Variants in LRP1 observed in about 807,000 individuals in gnomAD.
The protein encoded by LRP1 is prolow-density lipoprotein receptor-related protein 1.
LRP1 carries 51 observed loss-of-function variants against 541.5 expected under a neutral mutation model. The ratio of observed to expected loss-of-function variants is 0.09; its 90% confidence interval spans 0.08 to 0.12. The LOEUF is 0.12. Ranked by LOEUF, LRP1 falls within the 10% of genes least tolerant of loss-of-function variation. The pLI, the probability that LRP1 is intolerant of heterozygous loss-of-function variation, is 1.00. For synonymous variants in LRP1, 2,219 were observed against 2,470.8 expected, an observed-to-expected ratio of 0.90 and a Z score of 3.02; for missense variants, 3,878 against 6,376.2, an observed-to-expected ratio of 0.61 and a Z score of 13.34.
intron 68 of LRP1, chr12:57,202,933 T>C: frequency 1.7e-6 from 1 of 576,530 alleles, no homozygotes; most frequent in Non-Finnish European, 3.1e-6. Flanking sequence ...CAGTCTGTTC[T>C]GAGGGCAAGG....
intron 6 of LRP1, among the ~76,000 whole-genome samples, chr12:57,152,542 C>T (rs1341769573): frequency 6.6e-6 from 1 of 152,120 alleles, no homozygotes; most frequent in Non-Finnish European, 1.5e-5. Context: ...GTGGTTACAG[C>T]GTGTGGGGCA....
Position 57,156,346 on chromosome 12 carries a change from G to A in LRP1, c.1417+63G>A. On this transcript the variant is annotated intron_variant, in intron 9 of 88. Transcript: ENST00000243077. The surrounding 1 kb of genome is among the most constrained non-coding windows in gnomAD (Gnocchi z 5.2). ...ACCCCATGATGGCTCTGGGACCTTG[G>A]GATCACAGCCCCTCTCTGGGCCCTC... The A allele has an allele frequency of 6.5e-7, 1 of 1,530,484 alleles. No homozygotes were observed. The highest frequency in any genetic ancestry group is 8.9e-7 in the Non-Finnish European group (1 of 1,124,242). The allele number at this position is 1,530,484 out of a possible 1,614,324, so 94.8% of individuals were successfully genotyped here. A position where few individuals can be genotyped will look rare whatever the true frequency, so the allele number is the denominator to read the frequency against.
At chr12:57,195,587 G>C in intron 52 of LRP1, 71 bp from the exon 53 acceptor site, 1 of 1,609,630 alleles carries the variant, frequency 6.2e-7, no homozygotes, top group South Asian at 1.1e-5. Flanking sequence ...AGAACCACAG[G>C]AGGTTAGAGT....
Position 57,162,494 on chromosome 12 carries a change from A to C in LRP1, c.2380A>C (p.Met794Leu), listed in dbSNP as rs1292662094. Residue 794 changes from methionine to leucine, a missense_variant, in exon 14 of 89, where the codon ATG becomes CTG. Physicochemically the swap from Met to Leu is conservative, Grantham distance 15. This residue lies in a region of LRP1 where 496 missense variants were observed against 861.0 expected (regional missense o/e 0.58). Transcript: ENST00000243077. The surrounding 1 kb of genome is among the most constrained non-coding windows in gnomAD (Gnocchi z 5.2). The part of the protein sequence containing the change: ...SERPPIFEIR[M>L]YDAQQQQVGT... ...GCGGCCCCCCATCTTTGAGATCCGAATGTATGATGCCCAGCAGCAGCAAGG... is the reference window on the plus strand; with the variant it reads ...GCGGCCCCCCATCTTTGAGATCCGACTGTATGATGCCCAGCAGCAGCAAGG... 1.9e-6 allele frequency: 3 copies of C among 1,613,790 alleles called. No homozygotes were observed. Among genetic ancestry groups the C allele is most frequent in the Non-Finnish European group, 2.5e-6 (3 of 1,180,006 alleles).
chr12:57,182,839 C>G lies in LRP1; in HGVS notation c.5663-540C>G, dbSNP rs372425949. Among the ~76,000 whole-genome samples, 30 of 151,996 alleles carry G rather than the reference C, an allele frequency of 2.0e-4. No homozygotes were observed. In the South Asian group the frequency reaches 2.5e-3, roughly 13 times the overall value. On this transcript the variant is annotated intron_variant, in intron 34 of 88. Transcript: ENST00000243077. The stretch of plus-strand genomic sequence containing the variant: ...CTCAAAAAAAACAAACAAAGAAAAA[C>G]AAAAGAAAAGAAAAGAAAAAGAAAT...
At chr12:57,186,044 C>T (rs2036263904) in intron 41 of LRP1, 136 bp downstream of exon 41, 2 of 1,006,388 alleles carry the variant, frequency 2.0e-6, no homozygotes, top group Non-Finnish European at 1.4e-6. Context: ...CAACTGCACC[C>T]CCGCAGTTAC....
Position 57,206,357 on chromosome 12 carries a change from G to C in LRP1, c.11591-116G>C, listed in dbSNP as rs2036778671. Reference sequence around the variant, plus strand: ...GCAGGGAGGGTAAGCAGCAGCTTCTGGCCGGAGCAGATGGTCCTACCAGGA... The same window carrying C: ...GCAGGGAGGGTAAGCAGCAGCTTCTCGCCGGAGCAGATGGTCCTACCAGGA... On this transcript the variant is annotated intron_variant, in intron 75 of 88. Transcript: ENST00000243077. The surrounding 1 kb of genome is among the most constrained non-coding windows in gnomAD (Gnocchi z 4.7). The C allele has an allele frequency of 9.1e-7, 1 of 1,104,094 alleles. No individual in the cohort carries two copies. Among genetic ancestry groups the C allele is most frequent in the Non-Finnish European group, 1.3e-6 (1 of 759,586 alleles). 68.4% of individuals were successfully genotyped at this position (1,104,094 alleles called of 1,614,324 possible).
chr12:57,195,561 T>C (rs1483199046), intron 52 of LRP1, 97 bp from the exon 53 acceptor site: 2 of 1,595,364 alleles, frequency 1.3e-6, no homozygotes, highest in Non-Finnish European at 1.7e-6. Flanking sequence ...TCCAGTGCCC[T>C]GCCCACTCTA....
intron 82 of LRP1, 37 bp downstream of exon 82, chr12:57,210,517 C>G: frequency 6.6e-7 from 1 of 1,514,380 alleles, no homozygotes; most frequent in Non-Finnish European, 8.9e-7. Context: ...GCTCCTTGCC[C>G]CTGGGCCCCA....
At position 57,178,010 on chromosome 12, in the gene LRP1, G is replaced by T. The variant is rs2036085001; in HGVS notation, c.4362-349G>T. Among the ~76,000 whole-genome samples the T allele has an allele frequency of 6.7e-6, 1 of 149,236 alleles. No homozygotes were observed. Among genetic ancestry groups the T allele is most frequent in the Non-Finnish European group, 1.5e-5 (1 of 67,566 alleles). On this transcript the variant is annotated intron_variant, in intron 26 of 88. Transcript: ENST00000243077. The surrounding 1 kb of genome is among the most constrained non-coding windows in gnomAD (Gnocchi z 5.8). ...GTCGCCCAGGCTGGAGTGCAGTGGC[G>T]CGATCTCGGCTCACTGCAGGCTCCG... is the stretch of plus-strand genomic sequence containing the variant.
chr12:57,167,016 G>A lies in LRP1; in HGVS notation c.2884G>A (p.Gly962Arg). 6.2e-7 allele frequency: 1 copy of A among 1,614,104 alleles called. No individual in the cohort carries two copies. Among genetic ancestry groups the A allele is most frequent in the African/African-American group, 1.3e-5 (1 of 75,022 alleles). The change falls in exon 18 of 89, where the codon GGG (glycine) becomes AGG (arginine). Residue 962 changes from glycine (G) to arginine (R), a missense_variant. Around this residue, in one of 13 missense-constraint regions of LRP1, gnomAD observed 320 missense variants for 547.9 expected, o/e 0.58. Coordinates refer to ENST00000243077, the MANE Select transcript of LRP1 (RefSeq NM_002332.3). ...GACGTGTGATCTGGATGACGACTGT[G>A]GGGACCGCTCTGATGAGTCTGCTTC... ...SWTCDLDDDC[G>R]DRSDESASCA...
Position 57,191,232 on chromosome 12 carries a change from T to TG in LRP1, c.7237-87dup, listed in dbSNP as rs2136719502. ...CCTCTGCGGGCCCTCATTCTGTAGC[T>TG]GTCAGAGGCCAGGCCAGGCTGTGGT... On this transcript the variant is annotated intron_variant, in intron 43 of 88. Transcript: ENST00000243077. The TG allele has an allele frequency of 4.5e-6, 6 of 1,333,064 alleles. No individual in the cohort carries two copies. The South Asian group carries it at 8.5e-5, about 19-fold the overall frequency. 82.6% of individuals were successfully genotyped at this position (1,333,064 alleles called of 1,614,324 possible).
At chr12:57,172,562 T>G (rs998028327) in intron 20 of LRP1, among the ~76,000 whole-genome samples, 2 of 152,134 alleles carry the variant, frequency 1.3e-5, no homozygotes, top group African/African-American at 4.8e-5. Flanking sequence ...CCTCCAGGGA[T>G]CCTCTGGGCT....
In LRP1 at chr12:57,154,599, C is replaced by A; in HGVS notation, c.1125C>A (p.Asp375Glu). ...TGTTTCCTCATGGCATCACGCTGGACCTGGTCAGCCGCCTTGTCTACTGGG... is the reference window on the plus strand; with the variant it reads ...TGTTTCCTCATGGCATCACGCTGGAACTGGTCAGCCGCCTTGTCTACTGGG... ...KIVFPHGITL[D>E]LVSRLVYWAD... The change falls in exon 8 of 89, where the codon GAC becomes GAA. Residue 375 changes from aspartate (D) to glutamate (E), a missense_variant. Asp to Glu is a conservative substitution (Grantham distance 45, BLOSUM62 2). Transcript: ENST00000243077. This position sits in a 1 kb window ranked among gnomAD's most constrained non-coding sequence, Gnocchi z 4.6. 6.2e-7 allele frequency: 1 copy of A among 1,612,406 alleles called. No individual in the cohort carries two copies. Among genetic ancestry groups the A allele is most frequent in the Non-Finnish European group, 8.5e-7 (1 of 1,179,202 alleles).
chr12:57,154,225 A>G lies in LRP1; in HGVS notation c.859A>G (p.Ile287Val). 1.2e-6 allele frequency: 2 copies of G among 1,614,094 alleles called. No homozygotes were observed. The highest frequency in any genetic ancestry group is 1.1e-5 in the South Asian group (1 of 91,070). The part of the protein sequence containing the change: ...LSLHHVEQMA[I>V]DWLTGNFYFV... ...CTCTCCAGACGTGGAACAGATGGCC[A>G]TCGACTGGCTGACAGGCAACTTCTA... Residue 287 changes from isoleucine (I) to valine (V), a missense_variant, in exon 7 of 89, where the codon ATC becomes GTC. Coordinates refer to ENST00000243077, the MANE Select transcript of LRP1 (RefSeq NM_002332.3). This position sits in a 1 kb window ranked among gnomAD's most constrained non-coding sequence, Gnocchi z 4.6.
intron 1 of LRP1, among the ~76,000 whole-genome samples, chr12:57,132,577 TC>T: frequency 6.6e-6 from 1 of 152,304 alleles, no homozygotes; most frequent in East Asian, 1.9e-4. Flanking sequence ...CCCTTGGCAA[TC>T]TCTGGACTGA....
Position 57,162,742 on chromosome 12 carries a change from C to T in LRP1, c.2405-116C>T. The T allele has an allele frequency of 8.2e-7, 1 of 1,220,300 alleles. No homozygotes were observed. Among genetic ancestry groups the T allele is most frequent in the Non-Finnish European group, 1.1e-6 (1 of 876,350 alleles). The allele number at this position is 1,220,300 out of a possible 1,614,324, so 75.6% of individuals were successfully genotyped here. ...CCTGTTCTTCAACATGATCTTCTTCCTCTCCATATTTCCTCTTTCTGTCCC... is the reference window on the plus strand; with the variant it reads ...CCTGTTCTTCAACATGATCTTCTTCTTCTCCATATTTCCTCTTTCTGTCCC... On this transcript the variant is annotated intron_variant, in intron 14 of 88. Coordinates refer to ENST00000243077, the MANE Select transcript of LRP1 (RefSeq NM_002332.3). The surrounding 1 kb of genome is among the most constrained non-coding windows in gnomAD (Gnocchi z 5.2).
chr12:57,138,795 C>T (rs1387644583), intron 2 of LRP1, among the ~76,000 whole-genome samples: 1 of 152,212 alleles, frequency 6.6e-6, no homozygotes, highest in African/African-American at 2.4e-5. Context: ...TCAGATTTCT[C>T]CCTCAAGTGC....
chr12:57,130,064 T>TTC (rs2035006873), intron 1 of LRP1, among the ~76,000 whole-genome samples: 1 of 152,170 alleles, frequency 6.6e-6, no homozygotes, highest in South Asian at 2.1e-4. Context: ...AGCTGTTTTT[T>TTC]TCTCCTACTT....
Sources: gnomAD v4.1 joint callset for allele counts (sites outside exome capture counted in the v4.1 genomes callset) on GRCh38, gnomAD v4.1.1 for gene constraint, gnomAD v4.1.1 regional missense constraint, Gnocchi (gnomAD v3.1) non-coding constraint, MANE v1.5 for transcripts, NCBI Gene and HGNC (gene_info 2026-07-23, HGNC 2026-07-21) for gene names.